TMC1: variants seen among roughly 807,000 people sequenced by gnomAD.
TMC1 encodes the protein transmembrane channel-like protein 1.
In TMC1, 84 loss-of-function variants were observed where a neutral mutation model predicts 105.8. The ratio of observed to expected loss-of-function variants is 0.79; its 90% CI spans 0.67 to 0.95. The LOEUF (loss-of-function observed/expected upper bound fraction) is 0.95. TMC1 is among the 40% of genes least tolerant of loss of function. The probability of loss-of-function intolerance (pLI) is 0.00; values close to 1 mark genes in which losing one functional copy is unlikely to be tolerated. For synonymous variants in TMC1, 315 were observed against 311.5 expected, an observed-to-expected ratio of 1.01 and a Z score of -0.12; for missense variants, 817 against 914.1, an observed-to-expected ratio of 0.89 and a Z score of 1.37.
chr9:72,653,297 G>A lies in TMC1; in HGVS notation c.16+4633G>A, dbSNP rs529648888. ...GGCACATTGCTATGCCAGCTATAAA[G>A]AGCCTATGAAAATTAGGAACATTGA... On this transcript the variant is annotated intron_variant, in intron 5 of 23. Coordinates refer to ENST00000297784, the MANE Select transcript of TMC1 (RefSeq NM_138691.3). Among the ~76,000 whole-genome samples the A allele has an allele frequency of 3.3e-5, 5 of 152,222 alleles. No homozygotes were observed. The South Asian group carries it at 1.0e-3, about 32-fold the overall frequency.
At position 72,539,485 on chromosome 9, in the gene TMC1, T is replaced by C. The variant is rs114305348; in HGVS notation, c.-428+17572T>C. ...TTAACTGCAGCCTTCCACAAATCCA[T>C]AGGGCATGGACACAACACAGCCAAG... On this transcript the variant is annotated intron_variant, in intron 1 of 23. Coordinates refer to ENST00000297784, the MANE Select transcript of TMC1 (RefSeq NM_138691.3). 2.1e-3 allele frequency among the ~76,000 whole-genome samples: 312 copies of C among 150,056 alleles called. 5 individuals carry two copies. The highest frequency in any genetic ancestry group is 7.4e-3 in the African/African-American group (301 of 40,658).
rs577627251 is a variant in TMC1, at chr9:72,642,924, C to T, written c.-52-5673C>T. On this transcript the variant is annotated intron_variant, in intron 4 of 23. Transcript: ENST00000297784. ...GTTAATTCTCCTAGCTCCTGACAAT[C>T]GCTAATAAATTTCCTGTCTATAGTT... 2.6e-5 allele frequency among the ~76,000 whole-genome samples: 4 copies of T among 152,232 alleles called. No individual in the cohort carries two copies. In the South Asian group the frequency reaches 8.3e-4, roughly 32 times the overall value.
At chr9:72,688,389 G>A (rs1206657620) in intron 5 of TMC1, among the ~76,000 whole-genome samples, 1 of 152,018 alleles carries the variant, frequency 6.6e-6, no homozygotes, top group Non-Finnish European at 1.5e-5. Flanking sequence ...CAAACCCCAA[G>A]TCTACTTATT....
At chr9:72,751,559 C>T (rs899251200) in intron 10 of TMC1, among the ~76,000 whole-genome samples, 8 of 152,224 alleles carry the variant, frequency 5.3e-5, no homozygotes, top group African/African-American at 9.6e-5. Flanking sequence ...ATCATGGCTG[C>T]TCAGCAAAAG....
At chr9:72,543,390 T>G (rs962764717) in intron 1 of TMC1, among the ~76,000 whole-genome samples, 4 of 152,204 alleles carry the variant, frequency 2.6e-5, no homozygotes, top group African/African-American at 9.6e-5. Context: ...ACCACTTCCC[T>G]TATAGATTAT....
chr9:72,629,578 C>T (rs574661781), intron 4 of TMC1, among the ~76,000 whole-genome samples: 157 of 151,722 alleles, frequency 1.0e-3, no homozygotes, highest in African/African-American at 3.7e-3. Flanking sequence ...GCCACCGTTT[C>T]TGTGTGTGTG....
At chr9:72,835,537 G>T (rs1392178832) in intron 23 of TMC1, among the ~76,000 whole-genome samples, 3 of 152,082 alleles carry the variant, frequency 2.0e-5, no homozygotes, top group Admixed American at 1.3e-4. Flanking sequence ...TGTTTTAAAT[G>T]ATAATATAAT....
chr9:72,749,615 A>G (rs1564529623), intron 10 of TMC1, among the ~76,000 whole-genome samples: 2 of 152,230 alleles, frequency 1.3e-5, no homozygotes, highest in Non-Finnish European at 2.9e-5. Flanking sequence ...TATCAAAACC[A>G]CACACCCTTA....
chr9:72,683,733 T>TCATATATATATATATA (rs1588029653), intron 5 of TMC1, among the ~76,000 whole-genome samples: 1 of 53,404 alleles, frequency 1.9e-5, no homozygotes, highest in Non-Finnish European at 3.7e-5. Context: ...GTTACACATT[T>TCATATATATATATATA]TATATATATA....
intron 5 of TMC1, among the ~76,000 whole-genome samples, chr9:72,673,869 G>A (rs1240527480): frequency 3.3e-5 from 5 of 152,168 alleles, no homozygotes; most frequent in Middle Eastern, 3.4e-3. Context: ...CTAATTCTGC[G>A]TAAACTTTTC....
rs1309274090 is a variant in TMC1, at chr9:72,837,410, G to A, written c.*1437G>A. The A allele has an allele frequency of 1.3e-5, 2 of 152,202 alleles. No individual in the cohort carries two copies. The highest frequency in any genetic ancestry group is 2.9e-5 in the Non-Finnish European group (2 of 68,072). The allele number at this position is 152,202 out of a possible 1,614,324, so 9.4% of individuals were successfully genotyped here. ...CACCAAATGGTCACCTGACATTCCT[G>A]TGGGATGGGTGGTGGGGGGCCTCTC... On this transcript the variant is annotated 3_prime_UTR_variant, in exon 24 of 24. Coordinates refer to ENST00000297784, the MANE Select transcript of TMC1 (RefSeq NM_138691.3).
At chr9:72,557,866 T>C (rs1823969947) in intron 1 of TMC1, among the ~76,000 whole-genome samples, 1 of 152,226 alleles carries the variant, frequency 6.6e-6, no homozygotes, top group Non-Finnish European at 1.5e-5. Context: ...CATTGATTTG[T>C]ATTGTCATTG....
At chr9:72,614,016 T>G (rs1195953507) in intron 2 of TMC1, among the ~76,000 whole-genome samples, 1 of 152,186 alleles carries the variant, frequency 6.6e-6, no homozygotes, top group Non-Finnish European at 1.5e-5. Flanking sequence ...GTAACTGATA[T>G]GGGCTATTAT....
At chr9:72,779,002 C>T (rs1047799685) in intron 13 of TMC1, among the ~76,000 whole-genome samples, 2 of 152,226 alleles carry the variant, frequency 1.3e-5, no homozygotes, top group Non-Finnish European at 2.9e-5. Flanking sequence ...GACCCCACTG[C>T]CACTGCCCCG....
chr9:72,641,015 A>C (rs1251810953), intron 4 of TMC1, among the ~76,000 whole-genome samples: 2 of 152,186 alleles, frequency 1.3e-5, no homozygotes, highest in Non-Finnish European at 2.9e-5. Flanking sequence ...AATATGGACT[A>C]GATATATGGT....
chr9:72,758,918 T>C (rs928260567), intron 12 of TMC1, among the ~76,000 whole-genome samples: 4 of 152,184 alleles, frequency 2.6e-5, no homozygotes, highest in African/African-American at 7.2e-5. Flanking sequence ...CTCATATATT[T>C]ATAGTGATTT....
In TMC1 at chr9:72,627,950, C is replaced by A. The variant is rs1825379466; in HGVS notation, c.-166C>A. ...CCAGAAGCCTCAAAAATGGAAAACC[C>A]CCTGTGCTTCACATCTGAAAATCTC... On this transcript the variant is annotated 5_prime_UTR_variant, in exon 4 of 24. Transcript: ENST00000297784. 4.5e-6 allele frequency: 2 copies of A among 447,732 alleles called. No homozygotes were observed. Among genetic ancestry groups the A allele is most frequent in the Non-Finnish European group, 8.9e-6 (2 of 223,734 alleles). The allele number at this position is 447,732 out of a possible 1,614,324, so 27.7% of individuals were successfully genotyped here. A position where few individuals can be genotyped will look rare whatever the true frequency, so the allele number is the denominator to read the frequency against.
chr9:72,749,266 G>C (rs1827540676), intron 10 of TMC1, among the ~76,000 whole-genome samples: 1 of 152,206 alleles, frequency 6.6e-6, no homozygotes, highest in Non-Finnish European at 1.5e-5. Flanking sequence ...GAAAGGAATG[G>C]TGGGTTAGTA....
chr9:72,625,553 T>C (rs946171533), intron 3 of TMC1, among the ~76,000 whole-genome samples: 1 of 151,930 alleles, frequency 6.6e-6, no homozygotes, highest in African/African-American at 2.4e-5. Context: ...CCGGGCGTGG[T>C]GGCGGGTGCC....
Sources: gnomAD v4.1 joint callset for allele counts (sites outside exome capture counted in the v4.1 genomes callset) on GRCh38, gnomAD v4.1.1 for gene constraint, MANE v1.5 for transcripts, NCBI Gene and HGNC (gene_info 2026-07-23, HGNC 2026-07-21) for gene names.